The following CCR3 variants were observed in gnomAD, a reference collection of about 807,000 sequenced individuals.
CCR3 encodes the protein C-C chemokine receptor type 3.
For synonymous variants in CCR3, 203 were observed against 179.2 expected, an observed-to-expected ratio of 1.13 and a Z score of -1.06; for missense variants, 419 against 437.5, an observed-to-expected ratio of 0.96 and a Z score of 0.38.
intron 1 of CCR3, among the ~76,000 whole-genome samples, chr3:46,250,656 G>A (rs375627967): frequency 7.2e-5 from 11 of 152,234 alleles, no homozygotes; most frequent in South Asian, 6.2e-4. Context: ...AAAATAAGGC[G>A]TTTAGGTTTT....
chr3:46,252,797 C>A (rs1700341853), intron 1 of CCR3, among the ~76,000 whole-genome samples: 1 of 152,048 alleles, frequency 6.6e-6, no homozygotes, highest in African/African-American at 2.4e-5. Flanking sequence ...CTTGTGTTTG[C>A]CATTCATGGT....
intron 2 of CCR3, among the ~76,000 whole-genome samples, chr3:46,232,162 G>C (rs1276181668): frequency 6.6e-6 from 1 of 152,102 alleles, no homozygotes; most frequent in Non-Finnish European, 1.5e-5. Context: ...ATAAAAAAAT[G>C]AAAATGAGCA....
chr3:46,211,039 A>C (rs1699705888), intron 2 of CCR3: 1 of 152,106 alleles, frequency 6.6e-6, no homozygotes, highest in African/African-American at 2.4e-5. Context: ...TGGAATTTTA[A>C]TATGTTAAAA....
chr3:46,247,693 C>T lies in CCR3; in HGVS notation c.-12+5155C>T, dbSNP rs562604588. Among the ~76,000 whole-genome samples the T allele has an allele frequency of 4.5e-3, 689 of 152,116 alleles. 9 individuals carry two copies. Among genetic ancestry groups the T allele is most frequent in the African/African-American group, 0.016 (644 of 41,474 alleles). ...TCTGACAGAAGGGAAGAAATGACTG[C>T]GGTGCCCTTCTCAGACCCTGTAGGA... On this transcript the variant is annotated intron_variant, in intron 1 of 1. Transcript: ENST00000395940.
chr3:46,245,901 T>G (rs889718955), intron 1 of CCR3, among the ~76,000 whole-genome samples: 11 of 152,340 alleles, frequency 7.2e-5, no homozygotes, highest in Non-Finnish European at 1.5e-4. Context: ...TATGGCTGCA[T>G]AGTATTCCAT....
At chr3:46,217,352 AC>A (rs1699787090) in intron 2 of CCR3, among the ~76,000 whole-genome samples, 1 of 152,210 alleles carries the variant, frequency 6.6e-6, no homozygotes, top group Non-Finnish European at 1.5e-5. Context: ...ATTGATGGCA[AC>A]ACAATAGTCG....
intron 1 of CCR3, among the ~76,000 whole-genome samples, chr3:46,252,831 C>T (rs1439985105): frequency 6.6e-6 from 1 of 152,050 alleles, no homozygotes; most frequent in Non-Finnish European, 1.5e-5. Context: ...GAACTTGCAA[C>T]TAAGGATATT....
intron 1 of CCR3, 65 bp from the exon 2 acceptor site, chr3:46,265,082 CT>C: frequency 9.9e-7 from 1 of 1,010,958 alleles, no homozygotes; most frequent in Non-Finnish European, 1.5e-6. Context: ...AATAAATCAA[CT>C]GGTGTGTTTT....
chr3:46,239,088 C>T (rs2125926299), upstream of CCR3, among the ~76,000 whole-genome samples: 1 of 152,284 alleles, frequency 6.6e-6, no homozygotes. Flanking sequence ...GCAAATGACA[C>T]TTCAATATGT....
chr3:46,210,716 G>T (rs1266315062), exon 2 of CCR3: 1 of 152,322 alleles, frequency 6.6e-6, no homozygotes, highest in African/African-American at 2.4e-5. Context: ...GCCGTCATCA[G>T]GTTCAACCTC....
intron 2 of CCR3, among the ~76,000 whole-genome samples, chr3:46,214,246 A>C (rs1456989624): frequency 2.0e-5 from 3 of 152,176 alleles, no homozygotes; most frequent in African/African-American, 7.2e-5. Flanking sequence ...ATCAGAAGAA[A>C]CTTTCTACAA....
chr3:46,231,611 G>A (rs954460341), intron 2 of CCR3, among the ~76,000 whole-genome samples: 7 of 152,152 alleles, frequency 4.6e-5, no homozygotes, highest in Admixed American at 3.9e-4. Flanking sequence ...TGTGCCAAGA[G>A]GGTAGATCTT....
intron 2 of CCR3, among the ~76,000 whole-genome samples, chr3:46,233,571 G>A (rs557545917): frequency 6.6e-6 from 1 of 152,232 alleles, no homozygotes; most frequent in South Asian, 2.1e-4. Flanking sequence ...CTGCTTCAGT[G>A]TAATGTGGCA....
intron 1 of CCR3, among the ~76,000 whole-genome samples, chr3:46,245,603 T>C (rs1234062142): frequency 6.6e-6 from 1 of 152,136 alleles, no homozygotes; most frequent in African/African-American, 2.4e-5. Context: ...TGTGAAGCTT[T>C]GTTACGTAGG....
At chr3:46,234,016 G>C (rs550490775) in intron 2 of CCR3, among the ~76,000 whole-genome samples, 1 of 152,216 alleles carries the variant, frequency 6.6e-6, no homozygotes, top group African/African-American at 2.4e-5. Flanking sequence ...TGGATACCCC[G>C]TCAAGGTAAG....
chr3:46,219,079 C>A (rs912915944), intron 2 of CCR3, among the ~76,000 whole-genome samples: 1 of 152,182 alleles, frequency 6.6e-6, no homozygotes, highest in Middle Eastern at 3.4e-3. Context: ...CTAGAAAACT[C>A]TAAAGACTCA....
At chr3:46,211,654 G>A (rs751100289) in intron 2 of CCR3, among the ~76,000 whole-genome samples, 23 of 152,054 alleles carry the variant, frequency 1.5e-4, no homozygotes, top group Non-Finnish European at 2.9e-4. Flanking sequence ...CCTACCCCTG[G>A]CGCCTTATTT....
At chr3:46,214,304 A>G (rs1483928168) in intron 2 of CCR3, among the ~76,000 whole-genome samples, 17 of 152,074 alleles carry the variant, frequency 1.1e-4, no homozygotes, top group Admixed American at 1.1e-3. Flanking sequence ...TTTCCTGGAC[A>G]GTTCTCTGCC....
rs190277707 is a variant in CCR3 at position 46,213,111 on chromosome 3, A to G, written c.-68+2204A>G. The stretch of plus-strand genomic sequence containing the variant: ...TCTTGTAATAATTCTTAATGATTTC[A>G]CTATTCACATGTTTCTATTCGTCTT... On this transcript the variant is annotated intron_variant, in intron 2 of 3. Coordinates refer to the CCR3 transcript ENST00000357422. Among the ~76,000 whole-genome samples, 29 of 152,364 alleles carry G rather than the reference A, an allele frequency of 1.9e-4. No homozygotes were observed. The East Asian group carries it at 5.4e-3, about 28-fold the overall frequency.
Sources: allele counts gnomAD v4.1 joint callset (sites outside exome capture counted in the v4.1 genomes callset), GRCh38; gene constraint gnomAD v4.1.1; transcripts MANE v1.5; gene names NCBI Gene and HGNC (gene_info 2026-07-23, HGNC 2026-07-21).